PIEZO2: variants seen among roughly 807,000 people sequenced by gnomAD.
PIEZO2 encodes piezo-type mechanosensitive ion channel component 2.
Under a neutral mutation model 337.3 loss-of-function variants are expected in PIEZO2, and 172 were observed. The observed-to-expected ratio is 0.51, with a 90% confidence interval of 0.45 to 0.58. The LOEUF (loss-of-function observed/expected upper bound fraction) is 0.58, where lower values mean the gene tolerates loss of function less well. PIEZO2 is among the 20% of genes least tolerant of loss of function. The pLI, the probability that PIEZO2 is intolerant of heterozygous loss-of-function variation, is 0.00. For missense variants in PIEZO2, 3,028 were observed against 3,391.3 expected (o/e 0.89, Z 2.66); for synonymous variants, 1,251 against 1,228.5 (o/e 1.02, Z -0.38).
In PIEZO2 at chr18:10,794,754, T is replaced by C; in HGVS notation, c.1758+18A>G. On this transcript the variant is annotated intron_variant, in intron 13 of 55. Coordinates refer to ENST00000674853, the MANE Select transcript of PIEZO2 (RefSeq NM_001378183.1). The surrounding 1 kb of genome is among the most constrained non-coding windows in gnomAD (Gnocchi z 6.6). The stretch of plus-strand genomic sequence containing the variant: ...GTTTTGTGTCATTGTTTTGTTTTAT[T>C]GTATTCTATTCACTTACTTTGGAAG... 6.8e-7 allele frequency: 1 copy of C among 1,466,046 alleles called. No homozygotes were observed. Among genetic ancestry groups the C allele is most frequent in the South Asian group, 1.3e-5 (1 of 79,374 alleles). 90.8% of individuals were successfully genotyped at this position (1,466,046 alleles called of 1,614,324 possible).
intron 7 of PIEZO2, among the ~76,000 whole-genome samples, chr18:10,844,584 C>T (rs903472295): frequency 2.0e-5 from 3 of 151,810 alleles, no homozygotes; most frequent in Admixed American, 6.6e-5. Context: ...GTCAGGAGAT[C>T]CAGACCATCC....
intron 11 of PIEZO2, among the ~76,000 whole-genome samples, chr18:10,798,815 T>C (rs1005294204): frequency 1.3e-5 from 2 of 152,226 alleles, no homozygotes; most frequent in African/African-American, 4.8e-5. Flanking sequence ...CTGGTGCTCA[T>C]GCTCTGAAGA....
intron 36 of PIEZO2, among the ~76,000 whole-genome samples, chr18:10,728,954 C>CAAAAAA (rs143511795): frequency 1.2e-3 from 91 of 75,336 alleles, no homozygotes; most frequent in South Asian, 1.5e-3. Context: ...GACTCTGTCT[C>CAAAAAA]AAAAAAAAAA....
rs745618117 is a variant in PIEZO2, at chr18:10,882,834, C to CTTTTTTTTTTT, written c.330-11420_330-11419insAAAAAAAAAAA. Among the ~76,000 whole-genome samples, 17 of 110,022 alleles carry CTTTTTTTTTTT rather than the reference C, an allele frequency of 1.5e-4. 1 individual carries two copies. Among genetic ancestry groups the CTTTTTTTTTTT allele is most frequent in the Admixed American group, 2.4e-4 (2 of 8,444 alleles). The allele number at this position is 110,022 out of a possible 152,430, so 72.2% of individuals were successfully genotyped here. A position where few individuals can be genotyped will look rare whatever the true frequency, so the allele number is the denominator to read the frequency against. ...CCATTGTGCATATGTACCACATTTTCTTTTTTTCTTTTTTTTTTTTTTTGA... is the reference window on the plus strand; with the variant it reads ...CCATTGTGCATATGTACCACATTTTCTTTTTTTTTTTTTTTTTTCTTTTTTTTTTTTTTTGA... On this transcript the variant is annotated intron_variant, in intron 4 of 55. Coordinates refer to ENST00000674853, the MANE Select transcript of PIEZO2 (RefSeq NM_001378183.1).
At position 10,980,386 on chromosome 18, in the gene PIEZO2, TTAAAGGATTTA is replaced by T. The variant is rs372852735; in HGVS notation, c.161-737_161-727del. Among the ~76,000 whole-genome samples the T allele has an allele frequency of 9.0e-4, 137 of 152,254 alleles. 1 individual carries two copies. Among genetic ancestry groups the T allele is most frequent in the African/African-American group, 3.2e-3 (133 of 41,564 alleles). On this transcript the variant is annotated intron_variant, in intron 2 of 55. Transcript: ENST00000674853. This position sits in a 1 kb window ranked among gnomAD's most constrained non-coding sequence, Gnocchi z 4.8. ...AAAAAAGGAATGGAAGGAAACATCCTTAAAGGATTTATAATAAAGCAAACATCCTGTTTATA... is the reference window on the plus strand; with the variant it reads ...AAAAAAGGAATGGAAGGAAACATCCTTAATAAAGCAAACATCCTGTTTATA...
At chr18:10,851,125 T>G (rs1568129111) in intron 7 of PIEZO2, among the ~76,000 whole-genome samples, 1 of 150,978 alleles carries the variant, frequency 6.6e-6, no homozygotes, top group Non-Finnish European at 1.5e-5. Context: ...CTTCTTTCTC[T>G]TTTTCTTTTC....
At chr18:10,890,003 A>G (rs1183324144) in intron 4 of PIEZO2, among the ~76,000 whole-genome samples, 1 of 152,208 alleles carries the variant, frequency 6.6e-6, no homozygotes, top group Admixed American at 6.5e-5. Flanking sequence ...CCATAATTAT[A>G]CACAGCCTAA....
chr18:10,939,868 G>A (rs1252227572), intron 3 of PIEZO2, among the ~76,000 whole-genome samples: 2 of 151,858 alleles, frequency 1.3e-5, no homozygotes, highest in South Asian at 2.1e-4. Context: ...AAACCACCAC[G>A]GCATATGTAT....
At chr18:11,066,286 G>A (rs1198429433) in intron 1 of PIEZO2, 64 bp from the exon 2 acceptor site, 2 of 1,299,284 alleles carry the variant, frequency 1.5e-6, no homozygotes, top group Admixed American at 4.1e-5. Flanking sequence ...ACAAAACCAG[G>A]GGTGCATAAC....
chr18:10,962,821 A>T lies in PIEZO2; in HGVS notation c.286+16714T>A, dbSNP rs2033839338. 6.6e-6 allele frequency among the ~76,000 whole-genome samples: 1 copy of T among 152,166 alleles called. No homozygotes were observed. The highest frequency in any genetic ancestry group is 2.4e-5 in the African/African-American group (1 of 41,436). ...TCCAGTGATCACATACTATGAGCCCATGCTAGCAATGTGAGGGATGACTTT... is the reference window on the plus strand; with the variant it reads ...TCCAGTGATCACATACTATGAGCCCTTGCTAGCAATGTGAGGGATGACTTT... On this transcript the variant is annotated intron_variant, in intron 3 of 55. Coordinates refer to ENST00000674853, the MANE Select transcript of PIEZO2 (RefSeq NM_001378183.1). This position sits in a 1 kb window ranked among gnomAD's most constrained non-coding sequence, Gnocchi z 4.1.
At chr18:10,782,379 T>C (rs1224799441) in intron 17 of PIEZO2, among the ~76,000 whole-genome samples, 1 of 99,404 alleles carries the variant, frequency 1.0e-5, no homozygotes, top group Non-Finnish European at 1.8e-5. Context: ...AATTATAATA[T>C]ATTATAATTA....
chr18:10,800,452 G>A lies in PIEZO2; in HGVS notation c.1263C>T (p.Gly421=). The change falls in exon 11 of 56, where the codon GGC becomes GGT. Residue 421 remains glycine (G), a synonymous_variant. Transcript: ENST00000674853. ...PSDGLLVTVN[G]NPVDYHTIHP... is the part of the protein sequence containing the mutation. ...GGATGGTGTGGTAATCCACGGGGTT[G>A]CCGTTCACAGTCACCAGCAGGCCCT... 1 of 1,534,508 alleles carries A rather than the reference G, an allele frequency of 6.5e-7. No individual in the cohort carries two copies. Among genetic ancestry groups the A allele is most frequent in the Admixed American group, 2.0e-5 (1 of 50,454 alleles).
In PIEZO2 at chr18:10,943,494, G is replaced by C. The variant is rs2032833422; in HGVS notation, c.287-32266C>G. Among the ~76,000 whole-genome samples the C allele has an allele frequency of 6.6e-6, 1 of 152,166 alleles. No individual in the cohort carries two copies. Among genetic ancestry groups the C allele is most frequent in the Non-Finnish European group, 1.5e-5 (1 of 68,026 alleles). ...ATTTCAGACTTGCATGGGGCCTGTA[G>C]CACCTTAGTTTTGGCCAATTTCTGC... On this transcript the variant is annotated intron_variant, in intron 3 of 55. Transcript: ENST00000674853. This position sits in a 1 kb window ranked among gnomAD's most constrained non-coding sequence, Gnocchi z 4.5.
intron 2 of PIEZO2, among the ~76,000 whole-genome samples, chr18:11,020,982 A>G (rs1042413322): frequency 6.6e-6 from 1 of 152,250 alleles, no homozygotes; most frequent in African/African-American, 2.4e-5. Context: ...AAGCAGATGC[A>G]GCTTAAAAAC....
In PIEZO2 at chr18:10,766,781, A is replaced by C. The variant is rs1421119843; in HGVS notation, c.2946+3367T>G. ...GTTTTATTTGGCAGCCATTCCCATC[A>C]GGCTGTGAGCTCAGACAAGAAGTGT... On this transcript the variant is annotated intron_variant, in intron 21 of 55. Coordinates refer to ENST00000674853, the MANE Select transcript of PIEZO2 (RefSeq NM_001378183.1). The surrounding 1 kb of genome is among the most constrained non-coding windows in gnomAD (Gnocchi z 6.1). Among the ~76,000 whole-genome samples, 1 of 152,246 alleles carries C rather than the reference A, an allele frequency of 6.6e-6. No individual in the cohort carries two copies. Among genetic ancestry groups the C allele is most frequent in the Non-Finnish European group, 1.5e-5 (1 of 68,036 alleles).
At chr18:10,701,389 C>T (rs535409898) in intron 43 of PIEZO2, among the ~76,000 whole-genome samples, 88 of 152,326 alleles carry the variant, frequency 5.8e-4, no homozygotes, top group African/African-American at 2.0e-3. Context: ...TGTATAAAGG[C>T]CTTCCTCCAG....
In PIEZO2 at chr18:11,002,898, A is replaced by T. The variant is rs147376319; in HGVS notation, c.161-23238T>A. On this transcript the variant is annotated intron_variant, in intron 2 of 55. Transcript: ENST00000674853. This position sits in a 1 kb window ranked among gnomAD's most constrained non-coding sequence, Gnocchi z 4.3. ...CAGCAGAGAACAGACCAATAGAAAC[A>T]TCCAATGGGGATGTAAAGAATTTTC... Among the ~76,000 whole-genome samples, 79 of 152,358 alleles carry T rather than the reference A, an allele frequency of 5.2e-4. No homozygotes were observed. The highest frequency in any genetic ancestry group is 1.9e-3 in the African/African-American group (77 of 41,592).
intron 39 of PIEZO2, chr18:10,709,192 T>A (rs1302201068): frequency 2.6e-5 from 4 of 152,244 alleles, no homozygotes. Flanking sequence ...TAGGGCTTGT[T>A]GGATGCCATG....
intron 4 of PIEZO2, among the ~76,000 whole-genome samples, chr18:10,883,816 C>CTTTTTTTTCT: frequency 8.1e-6 from 1 of 122,824 alleles, no homozygotes; most frequent in East Asian, 2.5e-4. Flanking sequence ...AGTCCTACTT[C>CTTTTTTTTCT]TTTTTTTTTT....
Sources: allele counts gnomAD v4.1 joint callset (sites outside exome capture counted in the v4.1 genomes callset), GRCh38; gene constraint gnomAD v4.1.1; non-coding constraint Gnocchi (gnomAD v3.1); transcripts MANE v1.5; gene names NCBI Gene and HGNC (gene_info 2026-07-23, HGNC 2026-07-21).